MBNL1: variants seen among roughly 807,000 people sequenced by gnomAD.
MBNL1 encodes the protein muscleblind like splicing regulator 1, also known as muscleblind-like protein 1.
A neutral mutation model predicts 42.2 loss-of-function variants in MBNL1; 8 were observed. The observed-to-expected ratio is 0.19, with a 90% CI of 0.11 to 0.34. The LOEUF (loss-of-function observed/expected upper bound fraction) is 0.34. Ranked by LOEUF, MBNL1 falls within the 10% of genes least tolerant of loss-of-function variation. The pLI is 1.00. For missense variants in MBNL1, 309 were observed against 495.3 expected, an observed-to-expected ratio of 0.62 and a Z score of 3.57; for synonymous variants, 169 against 173.9, an observed-to-expected ratio of 0.97 and a Z score of 0.22.
intron 2 of MBNL1, among the ~76,000 whole-genome samples, chr3:152,307,587 C>A (rs2063847818): frequency 6.6e-6 from 1 of 152,070 alleles, no homozygotes; most frequent in Admixed American, 6.5e-5. Context: ...GGTGTTACTT[C>A]CATTTCACAG....
intron 2 of MBNL1, among the ~76,000 whole-genome samples, chr3:152,320,808 T>G (rs1319570065): frequency 1.3e-5 from 2 of 151,888 alleles, no homozygotes; most frequent in African/African-American, 4.8e-5. Flanking sequence ...TATTATTGTT[T>G]TTATTATCAA....
At chr3:152,295,052 A>G (rs551885174) in intron 1 of MBNL1, among the ~76,000 whole-genome samples, 16 of 152,180 alleles carry the variant, frequency 1.1e-4, no homozygotes, top group Non-Finnish European at 1.5e-4. Context: ...TAGCTAGACT[A>G]ATGCATAATG....
At chr3:152,273,443 T>A (rs1437806483) in intron 1 of MBNL1, among the ~76,000 whole-genome samples, 1 of 152,210 alleles carries the variant, frequency 6.6e-6, no homozygotes, top group Admixed American at 6.5e-5. Context: ...AACATCTCTT[T>A]CAGATAATCG....
chr3:152,245,238 A>G (rs1217372465), intron 2 of MBNL1, among the ~76,000 whole-genome samples: 1 of 152,142 alleles, frequency 6.6e-6, no homozygotes, highest in Non-Finnish European at 1.5e-5. Context: ...CCAGAATAAT[A>G]CCTACACATA....
At chr3:152,451,726 A>T (rs1723389485) in intron 6 of MBNL1, among the ~76,000 whole-genome samples, 1 of 152,212 alleles carries the variant, frequency 6.6e-6, no homozygotes, top group Admixed American at 6.5e-5. Flanking sequence ...GCCTTAGGCC[A>T]GGTTGTTTCA....
chr3:152,277,043 T>G (rs1264778285), intron 1 of MBNL1, among the ~76,000 whole-genome samples: 1 of 152,156 alleles, frequency 6.6e-6, no homozygotes, highest in Non-Finnish European at 1.5e-5. Context: ...AGCAAGAATT[T>G]AAAAAACTTT....
chr3:152,371,112 G>T (rs1295749927), intron 2 of MBNL1, among the ~76,000 whole-genome samples: 3 of 152,120 alleles, frequency 2.0e-5, no homozygotes, highest in Non-Finnish European at 2.9e-5. Context: ...TTACAATTTG[G>T]TATGTTTTTG....
intron 9 of MBNL1, 59 bp downstream of exon 9, chr3:152,459,404 A>G: frequency 1.0e-6 from 1 of 964,066 alleles, no homozygotes; most frequent in Non-Finnish European, 1.5e-6. Context: ...TAAGATAGCA[A>G]TTGTATAGTG....
At chr3:152,453,733 T>C (rs1001493813) in intron 6 of MBNL1, among the ~76,000 whole-genome samples, 16 of 152,178 alleles carry the variant, frequency 1.1e-4, no homozygotes, top group African/African-American at 3.6e-4. Flanking sequence ...GTTATAATGC[T>C]AATGAGGAAG....
At chr3:152,322,322 C>A (rs906226997) in intron 2 of MBNL1, among the ~76,000 whole-genome samples, 4 of 151,980 alleles carry the variant, frequency 2.6e-5, no homozygotes, top group Non-Finnish European at 5.9e-5. Context: ...GCTCCTGACC[C>A]ATGCCATAAC....
intron 2 of MBNL1, among the ~76,000 whole-genome samples, chr3:152,334,719 T>C (rs1325002887): frequency 6.6e-6 from 1 of 152,210 alleles, no homozygotes; most frequent in Non-Finnish European, 1.5e-5. Context: ...CAGGAAATTT[T>C]AGGGCAATTA....
chr3:152,296,443 G>C (rs2058571075), intron 1 of MBNL1, among the ~76,000 whole-genome samples: 1 of 152,206 alleles, frequency 6.6e-6, no homozygotes, highest in Non-Finnish European at 1.5e-5. Flanking sequence ...TTGTGAGTAG[G>C]AAGGTAAGAA....
At chr3:152,334,257 A>G (rs1421775363) in intron 2 of MBNL1, among the ~76,000 whole-genome samples, 1 of 152,226 alleles carries the variant, frequency 6.6e-6, no homozygotes, top group Non-Finnish European at 1.5e-5. Context: ...TAATAGGTAA[A>G]TGATTAGGAA....
intron 4 of MBNL1, among the ~76,000 whole-genome samples, chr3:152,444,085 C>T (rs1416802245): frequency 6.6e-6 from 1 of 152,150 alleles, no homozygotes; most frequent in African/African-American, 2.4e-5. Flanking sequence ...GTTTTTCTTT[C>T]TTGCTTAACT....
intron 3 of MBNL1, among the ~76,000 whole-genome samples, chr3:152,417,157 C>A (rs1180835212): frequency 6.6e-6 from 1 of 152,154 alleles, no homozygotes; most frequent in Non-Finnish European, 1.5e-5. Flanking sequence ...AGGAAATTTG[C>A]CTTCAAAACC....
intron 2 of MBNL1, chr3:152,339,629 T>C (rs989718627): frequency 6.6e-6 from 1 of 152,178 alleles, no homozygotes; most frequent in African/African-American, 2.4e-5. Context: ...ACTTAATTCC[T>C]TAAATGGTTT....
At chr3:152,245,984 C>G (rs894055681) in intron 2 of MBNL1, among the ~76,000 whole-genome samples, 2 of 152,118 alleles carry the variant, frequency 1.3e-5, no homozygotes, top group African/African-American at 2.4e-5. Context: ...ACTTTGGAGG[C>G]TGAGGCAAGA....
intron 2 of MBNL1, among the ~76,000 whole-genome samples, chr3:152,321,647 A>G (rs1318138916): frequency 2.0e-5 from 3 of 152,112 alleles, no homozygotes; most frequent in East Asian, 3.9e-4. Context: ...AAGCAGGTCT[A>G]ATTTTCTAAT....
intron 2 of MBNL1, among the ~76,000 whole-genome samples, chr3:152,353,415 T>C (rs1288237405): frequency 6.6e-6 from 1 of 152,220 alleles, no homozygotes; most frequent in Non-Finnish European, 1.5e-5. Flanking sequence ...GCTGAAAAGG[T>C]TGCCTTTTAG....
Sources: allele counts gnomAD v4.1 joint callset (sites outside exome capture counted in the v4.1 genomes callset), GRCh38; gene constraint gnomAD v4.1.1; transcripts MANE v1.5; gene names NCBI Gene and HGNC (gene_info 2026-07-23, HGNC 2026-07-21).